Variants in RANBP2 observed in about 807,000 individuals in gnomAD.
RANBP2 encodes E3 SUMO-protein ligase RanBP2.
A neutral mutation model predicts 303.6 loss-of-function variants in RANBP2; 57 were observed. That is an observed-to-expected ratio of 0.19 (90% CI 0.15 to 0.23). The LOEUF (loss-of-function observed/expected upper bound fraction) is 0.23. Among genes scored for constraint, RANBP2 ranks in the 10% least tolerant of loss-of-function variants. The pLI is 1.00. For missense variants in RANBP2, 3,138 were observed against 3,780.8 expected (o/e 0.83, Z 4.46); for synonymous variants, 1,167 against 1,301.5 (o/e 0.90, Z 2.23).
chr2:108,824,785 T>A, the RANBP2 span, among the ~76,000 whole-genome samples: 1 of 152,160 alleles, frequency 6.6e-6, no homozygotes, highest in African/African-American at 2.4e-5. Context: ...ACACCAGCAT[T>A]GTCACAAACA....
the RANBP2 span, among the ~76,000 whole-genome samples, chr2:109,211,824 G>A: frequency 1.3e-5 from 2 of 152,002 alleles, no homozygotes; most frequent in East Asian, 1.9e-4. Flanking sequence ...TGTATTTTTA[G>A]GAGAGACAGG....
the RANBP2 span, among the ~76,000 whole-genome samples, chr2:109,378,932 C>T: frequency 1.4e-4 from 22 of 152,320 alleles, no homozygotes; most frequent in East Asian, 2.7e-3. Flanking sequence ...TTCTGCAGAT[C>T]TCCAGGACTG....
chr2:108,809,609 T>A, the RANBP2 span, among the ~76,000 whole-genome samples: 5 of 152,156 alleles, frequency 3.3e-5, no homozygotes, highest in African/African-American at 1.2e-4. Context: ...CAGGATAGAT[T>A]TCTTTCTTTC....
At chr2:109,107,748 T>C in the RANBP2 span, among the ~76,000 whole-genome samples, 62 of 152,310 alleles carry the variant, frequency 4.1e-4, no homozygotes, top group African/African-American at 1.3e-3. Flanking sequence ...ACTTTTTTTT[T>C]CTTTTTTTTG....
the RANBP2 span, among the ~76,000 whole-genome samples, chr2:108,914,402 G>A: frequency 6.6e-6 from 1 of 152,192 alleles, no homozygotes; most frequent in Admixed American, 6.5e-5. Flanking sequence ...CCTCAGACAT[G>A]TTTTTACATG....
the RANBP2 span, among the ~76,000 whole-genome samples, chr2:108,875,783 G>A: frequency 0.02 from 3,024 of 152,214 alleles, 99 homozygotes; most frequent in African/African-American, 0.069. Context: ...TGCTTGAGCT[G>A]GGGAGGTTGA....
At chr2:109,272,659 C>G in the RANBP2 span, among the ~76,000 whole-genome samples, 1 of 152,232 alleles carries the variant, frequency 6.6e-6, no homozygotes, top group Non-Finnish European at 1.5e-5. Context: ...CGGTCCTCCT[C>G]CACACCAGCG....
the RANBP2 span, among the ~76,000 whole-genome samples, chr2:109,108,373 A>G: frequency 1.3e-5 from 2 of 152,150 alleles, no homozygotes; most frequent in African/African-American, 4.8e-5. Flanking sequence ...TTTCTTATCA[A>G]TTTATATTTA....
the RANBP2 span, among the ~76,000 whole-genome samples, chr2:109,448,957 T>C: frequency 6.6e-6 from 1 of 152,216 alleles, no homozygotes; most frequent in African/African-American, 2.4e-5. Context: ...CAGGGCCCCC[T>C]GATCCCTTGG....
At chr2:108,821,040 T>A in the RANBP2 span, among the ~76,000 whole-genome samples, 1 of 152,134 alleles carries the variant, frequency 6.6e-6, no homozygotes, top group East Asian at 1.9e-4. Flanking sequence ...TAAGTCTATG[T>A]TAGGGGTTAA....
the RANBP2 span, chr2:109,553,238 T>G: frequency 6.2e-7 from 1 of 1,612,304 alleles, no homozygotes; most frequent in African/African-American, 1.3e-5. Context: ...TTATTTGTGT[T>G]ACTCTCCTGC....
the RANBP2 span, among the ~76,000 whole-genome samples, chr2:109,485,474 A>G: frequency 6.6e-6 from 1 of 152,220 alleles, no homozygotes; most frequent in Non-Finnish European, 1.5e-5. Flanking sequence ...TTAAGCTTTC[A>G]ATTGCTTTTG....
At chr2:109,470,211 T>A in the RANBP2 span, among the ~76,000 whole-genome samples, 2 of 151,572 alleles carry the variant, frequency 1.3e-5, no homozygotes, top group Non-Finnish European at 2.9e-5. Context: ...CGTAAAGAGA[T>A]GAGATTACTT....
the RANBP2 span, among the ~76,000 whole-genome samples, chr2:109,604,453 G>A: frequency 4.7e-5 from 7 of 150,442 alleles, no homozygotes; most frequent in East Asian, 2.1e-4. Context: ...GAGGCCGGGC[G>A]TGGTGGCTGA....
chr2:109,345,187 C>G, the RANBP2 span, among the ~76,000 whole-genome samples: 1 of 152,208 alleles, frequency 6.6e-6, no homozygotes, highest in African/African-American at 2.4e-5. Context: ...CCAGCTTTAC[C>G]TGCCACACTA....
chr2:109,397,919 T>C, the RANBP2 span, among the ~76,000 whole-genome samples: 1 of 152,184 alleles, frequency 6.6e-6, no homozygotes, highest in Non-Finnish European at 1.5e-5. Flanking sequence ...TGTAGAACAA[T>C]GGGAGATGTG....
chr2:109,032,560 C>T, the RANBP2 span, among the ~76,000 whole-genome samples: 1 of 152,188 alleles, frequency 6.6e-6, no homozygotes, highest in South Asian at 2.1e-4. Context: ...CATCCCACTC[C>T]ATCCATGCGC....
chr2:109,145,618 C>T, the RANBP2 span, among the ~76,000 whole-genome samples: 2 of 152,208 alleles, frequency 1.3e-5, no homozygotes, highest in Non-Finnish European at 2.9e-5. Context: ...GCACTGCTAT[C>T]GCCATGCGTT....
At chr2:108,948,857 C>T in the RANBP2 span, among the ~76,000 whole-genome samples, 39 of 152,218 alleles carry the variant, frequency 2.6e-4, no homozygotes, top group African/African-American at 8.4e-4. Flanking sequence ...GTGGCTCATG[C>T]GTATAATCCC....
Sources: gnomAD v4.1 joint callset for allele counts (sites outside exome capture counted in the v4.1 genomes callset) on GRCh38, gnomAD v4.1.1 for gene constraint, MANE v1.5 for transcripts, NCBI Gene and HGNC (gene_info 2026-07-23, HGNC 2026-07-21) for gene names.